PVT1: variants seen among roughly 807,000 people sequenced by gnomAD.
PVT1 encodes the protein Pvt1 oncogene.
rs993804415 is a variant in PVT1, at chr8:127,798,503, G to C, written n.372+2432G>C. 5.9e-5 allele frequency among the ~76,000 whole-genome samples: 9 copies of C among 152,010 alleles called. 1 individual carries two copies. The highest frequency in any genetic ancestry group is 1.3e-4 in the Non-Finnish European group (9 of 67,960). On this transcript the variant is annotated intron_variant and non_coding_transcript_variant, in intron 2 of 10. Transcript: ENST00000651587. ...AAAGGGGCCAAGAGGCCTTAGGTGA[G>C]GGCTGCCATGCTGGAAAGTTTGGGC...
intron 3 of PVT1, among the ~76,000 whole-genome samples, chr8:127,935,979 A>T (rs4733583): frequency 6.7e-6 from 1 of 150,294 alleles, no homozygotes; most frequent in South Asian, 2.1e-4. Flanking sequence ...AGTGGTTTGA[A>T]TGAGGAATGG....
chr8:128,087,747 C>CTT (rs71568675), intron 5 of PVT1, among the ~76,000 whole-genome samples: 3,327 of 76,514 alleles, frequency 0.043, 287 homozygotes, highest in East Asian at 0.1. Flanking sequence ...TGATGTGCTA[C>CTT]TTTTTTTTTT....
chr8:127,912,408 A>G (rs1053025204), intron 3 of PVT1, among the ~76,000 whole-genome samples: 5 of 152,182 alleles, frequency 3.3e-5, no homozygotes, highest in South Asian at 2.1e-4. Flanking sequence ...TAATCTGCCA[A>G]AGATCCCTTG....
At chr8:128,046,086 G>T (rs1251768036) in intron 4 of PVT1, among the ~76,000 whole-genome samples, 1 of 152,198 alleles carries the variant, frequency 6.6e-6, no homozygotes, top group East Asian at 1.9e-4. Flanking sequence ...TGTAGTTCCA[G>T]CCCTCCTAAG....
chr8:128,044,914 A>G (rs1809753470), intron 4 of PVT1, among the ~76,000 whole-genome samples: 1 of 152,208 alleles, frequency 6.6e-6, no homozygotes, highest in African/African-American at 2.4e-5. Context: ...TTGTACATCC[A>G]TACAATTCTT....
chr8:127,966,868 C>T (rs1015552888), intron 3 of PVT1, among the ~76,000 whole-genome samples: 19 of 152,106 alleles, frequency 1.2e-4, no homozygotes, highest in African/African-American at 3.4e-4. Context: ...TACCTGCTGA[C>T]GGGGATATTA....
chr8:127,810,400 A>G (rs558152379), intron 2 of PVT1, among the ~76,000 whole-genome samples: 6 of 152,344 alleles, frequency 3.9e-5, no homozygotes, highest in Admixed American at 2.0e-4. Flanking sequence ...AAAGCTTTTA[A>G]TGGCTTCCCA....
At chr8:127,992,074 CAAA>C (rs72120482) in intron 4 of PVT1, among the ~76,000 whole-genome samples, 1 of 141,924 alleles carries the variant, frequency 7.0e-6, no homozygotes, top group Non-Finnish European at 1.5e-5. Flanking sequence ...TTTCTTAAAA[CAAA>C]AAAAAAAAAA....
At chr8:127,830,698 GTGT>G (rs1452135651) in intron 2 of PVT1, among the ~76,000 whole-genome samples, 1 of 152,098 alleles carries the variant, frequency 6.6e-6, no homozygotes, top group Non-Finnish European at 1.5e-5. Context: ...AGGATGCAAA[GTGT>G]TGTTTCCAGG....
intron 3 of PVT1, among the ~76,000 whole-genome samples, chr8:127,930,147 C>T (rs917003344): frequency 2.0e-5 from 3 of 151,910 alleles, no homozygotes; most frequent in South Asian, 2.1e-4. Flanking sequence ...TCTGGTGGGG[C>T]GGTGCGGAAT....
chr8:127,971,184 C>G (rs1400421871), intron 3 of PVT1, among the ~76,000 whole-genome samples: 1 of 152,230 alleles, frequency 6.6e-6, no homozygotes, highest in South Asian at 2.1e-4. Context: ...GGAGGGCAGA[C>G]AGTTTCTCAT....
chr8:127,962,017 T>C (rs985436892), intron 3 of PVT1, among the ~76,000 whole-genome samples: 25 of 152,228 alleles, frequency 1.6e-4, no homozygotes, highest in African/African-American at 6.0e-4. Flanking sequence ...CTCTGTCGCC[T>C]AGGCTGGAGT....
chr8:128,063,850 T>A (rs569240870), intron 4 of PVT1, among the ~76,000 whole-genome samples: 1 of 152,324 alleles, frequency 6.6e-6, no homozygotes, highest in African/African-American at 2.4e-5. Context: ...TGTAAAGTGT[T>A]CTTACCACAA....
chr8:127,997,061 G>GT (rs1453462556), intron 4 of PVT1, among the ~76,000 whole-genome samples: 2 of 114,944 alleles, frequency 1.7e-5, no homozygotes, highest in East Asian at 5.4e-4. Context: ...TTTTTTGTTT[G>GT]TTTGTTTTTT....
chr8:127,881,826 T>G (rs1815470748), intron 2 of PVT1, among the ~76,000 whole-genome samples: 1 of 152,070 alleles, frequency 6.6e-6, no homozygotes, highest in South Asian at 2.1e-4. Flanking sequence ...CAACCTCCAC[T>G]GACTTCCTGG....
At position 127,954,700 on chromosome 8, in the gene PVT1, G is replaced by A. The variant is rs147955520; in HGVS notation, n.783-34462G>A. On this transcript the variant is annotated intron_variant and non_coding_transcript_variant, in intron 3 of 10. Transcript: ENST00000651587. ...TGAACAAACTGAGGCCCAGGGAGTG[G>A]CTTCCCCAAAGTCATACAGTGTAGA... Among the ~76,000 whole-genome samples the A allele has an allele frequency of 3.7e-3, 565 of 152,274 alleles. 4 individuals carry two copies. Among genetic ancestry groups the A allele is most frequent in the African/African-American group, 0.013 (548 of 41,570 alleles).
chr8:127,960,977 T>A (rs1816636368), intron 3 of PVT1, among the ~76,000 whole-genome samples: 1 of 150,080 alleles, frequency 6.7e-6, no homozygotes. Flanking sequence ...AGGGGAGGAA[T>A]TTAGATGAGA....
At chr8:128,058,378 A>ATGTGTGTG (rs3041914) in intron 4 of PVT1, among the ~76,000 whole-genome samples, 2,874 of 146,650 alleles carry the variant, frequency 0.02, 32 homozygotes, top group East Asian at 0.033. Context: ...AAACTGATGC[A>ATGTGTGTG]TGTGTGTGTG....
intron 4 of PVT1, among the ~76,000 whole-genome samples, chr8:128,032,987 A>G (rs993027752): frequency 6.6e-6 from 1 of 152,244 alleles, no homozygotes; most frequent in East Asian, 1.9e-4. Flanking sequence ...GTGGAGGGTG[A>G]GGGTGCAGGT....
Sources: gnomAD v4.1 joint callset for allele counts (sites outside exome capture counted in the v4.1 genomes callset) on GRCh38, gnomAD v4.1.1 for gene constraint, MANE v1.5 for transcripts, NCBI Gene and HGNC (gene_info 2026-07-23, HGNC 2026-07-21) for gene names.